The following LOXL4 variants were observed in gnomAD, a reference collection of about 807,000 sequenced individuals.
LOXL4 encodes lysyl oxidase like 4, also known as lysyl oxidase homolog 4.
In LOXL4, 72 loss-of-function variants were observed where a neutral mutation model predicts 89.1. The ratio of observed to expected loss-of-function variants is 0.81; its 90% CI spans 0.67 to 0.98. LOXL4 has a LOEUF of 0.98. LOXL4 is among the 50% of genes least tolerant of loss of function. The probability of loss-of-function intolerance (pLI) is 0.00; values close to 1 mark genes in which losing one functional copy is unlikely to be tolerated. For missense variants in LOXL4, 984 were observed against 1,017.5 expected (o/e 0.97, Z 0.45); for synonymous variants, 355 against 392.1 (o/e 0.91, Z 1.12).
rs1858396463 is a variant in LOXL4 at position 98,257,031 on chromosome 10, C to A, written c.1261-84G>T. Reference sequence around the variant, plus strand: ...TGCGAGCCTGGAGGTCTGCCCAAGCCAGCTCACTGTGTCACCCTAGACAAG... The same window carrying A: ...TGCGAGCCTGGAGGTCTGCCCAAGCAAGCTCACTGTGTCACCCTAGACAAG... On this transcript the variant is annotated intron_variant, in intron 8 of 14. Transcript: ENST00000260702. 2.0e-6 allele frequency: 3 copies of A among 1,483,826 alleles called. No individual in the cohort carries two copies. In the South Asian group the frequency reaches 3.9e-5, roughly 19 times the overall value. The allele number at this position is 1,483,826 out of a possible 1,614,324, so 91.9% of individuals were successfully genotyped here.
rs1858596313 is a variant in LOXL4 at position 98,263,144 on chromosome 10, A to G, written c.-32-93T>C. 9.2e-6 allele frequency: 9 copies of G among 978,016 alleles called. No homozygotes were observed. In the South Asian group the frequency reaches 1.4e-4, roughly 15 times the overall value. 60.6% of individuals were successfully genotyped at this position (978,016 alleles called of 1,614,324 possible). A position where few individuals can be genotyped will look rare whatever the true frequency, so the allele number is the denominator to read the frequency against. ...GGCAGCTCCTGGCAAGACAAAGGAA[A>G]GAAAACCCCCCTCAAATGTGTGTGT... is the stretch of plus-strand genomic sequence containing the variant. On this transcript the variant is annotated intron_variant, in intron 1 of 14. Transcript: ENST00000260702.
intron 8 of LOXL4, among the ~76,000 whole-genome samples, 190 bp downstream of exon 8, chr10:98,257,460 G>C (rs953836153): frequency 7.2e-5 from 11 of 152,152 alleles, no homozygotes; most frequent in Non-Finnish European, 1.0e-4. Context: ...CATCTGCAGA[G>C]CCCCTGTGGC....
rs773171846 is a variant in LOXL4, at chr10:98,260,990, G to T, written c.594C>A (p.Asn198Lys). 18 of 1,613,882 alleles carry T rather than the reference G, an allele frequency of 1.1e-5. No individual in the cohort carries two copies. Among genetic ancestry groups the T allele is most frequent in the Admixed American group, 5.0e-5 (3 of 60,002 alleles). ...GCATCCCGCACACCACCCTGCTGTT[G>T]TTCATGGTCCAGCCCTGGTCACACA... ...RQVCDQGWTM[N>K]NSRVVCGMLG... The change falls in exon 4 of 15, where the codon AAC becomes AAA. Residue 198 changes from asparagine to lysine, a missense_variant. Transcript: ENST00000260702.
chr10:98,257,733 G>C lies in LOXL4; in HGVS notation c.1177C>G (p.Leu393Val). The C allele has an allele frequency of 6.2e-7, 1 of 1,614,110 alleles. No homozygotes were observed. The highest frequency in any genetic ancestry group is 8.5e-7 in the Non-Finnish European group (1 of 1,179,990). ...TGGCAACCATTCTGGGACCCTTCCA[G>C]GGCAGGGCAGTCGCTGAGGGTCCGC... is the stretch of plus-strand genomic sequence containing the variant. ...YERTLSDCPALEGSQNGCQHE... is the reference protein window; with the variant it reads ...YERTLSDCPAVEGSQNGCQHE... The change falls in exon 8 of 15, where the codon CTG becomes GTG. Residue 393 changes from leucine to valine, a missense_variant. Transcript: ENST00000260702.
chr10:98,254,260 C>T (rs1858293516), intron 10 of LOXL4, among the ~76,000 whole-genome samples: 2 of 152,192 alleles, frequency 1.3e-5, no homozygotes, highest in African/African-American at 4.8e-5. Flanking sequence ...TAGCTTAGTT[C>T]ATATAATCCT....
At chr10:98,260,687 C>T (rs1564760879) in intron 4 of LOXL4, among the ~76,000 whole-genome samples, 2 of 152,146 alleles carry the variant, frequency 1.3e-5, no homozygotes, top group Non-Finnish European at 2.9e-5. Context: ...CCAACACCTG[C>T]TGGATGTCCT....
At chr10:98,261,592 A>C (rs886071270) in intron 3 of LOXL4, among the ~76,000 whole-genome samples, 1 of 152,222 alleles carries the variant, frequency 6.6e-6, no homozygotes, top group African/African-American at 2.4e-5. Flanking sequence ...CAGAGTCCCC[A>C]TCACAACACG....
rs563390291 is a variant in LOXL4 at position 98,265,644 on chromosome 10, C to T, written c.-33+2488G>A. ...AACTCCTGACCTCAGGTGATCCACC[C>T]GCCTTGGCCTCCCAAAGTGACGGGA... On this transcript the variant is annotated intron_variant, in intron 1 of 14. Coordinates refer to ENST00000260702, the MANE Select transcript of LOXL4 (RefSeq NM_032211.7). Among the ~76,000 whole-genome samples the T allele has an allele frequency of 4.2e-5, 3 of 71,936 alleles. 1 individual carries two copies. The highest frequency in any genetic ancestry group is 1.1e-4 in the Admixed American group (1 of 8,794). 47.2% of individuals were successfully genotyped at this position (71,936 alleles called of 152,430 possible).
intron 2 of LOXL4, 92 bp downstream of exon 2, chr10:98,262,651 G>T: frequency 6.9e-7 from 1 of 1,459,160 alleles, no homozygotes; most frequent in South Asian, 1.3e-5. Context: ...ACATGAGCAG[G>T]GTATTAAAGG....
At position 98,262,155 on chromosome 10, in the gene LOXL4, G is replaced by T. The variant is rs776968307; in HGVS notation, c.336C>A (p.Cys112Ter). 1 of 1,613,526 alleles carries T rather than the reference G, an allele frequency of 6.2e-7. No homozygotes were observed. Among genetic ancestry groups the T allele is most frequent in the African/African-American group, 1.3e-5 (1 of 74,906 alleles). ...CVGTESSLDQ[C>*]GSNGWGVSDC... ...CACTGACTCCCCAGCCATTAGACCC[G>T]CACTGGTCCAAGGAGCTCTCTGTGC... Residue 112 changes from cysteine to a stop codon, truncating the protein, a stop_gained, in exon 3 of 15, where the codon TGC becomes TGA. Coordinates refer to ENST00000260702, the MANE Select transcript of LOXL4 (RefSeq NM_032211.7). LOFTEE classifies it high-confidence loss of function.
intron 1 of LOXL4, among the ~76,000 whole-genome samples, chr10:98,265,006 C>T (rs1252079266): frequency 6.6e-6 from 1 of 152,212 alleles, no homozygotes; most frequent in Non-Finnish European, 1.5e-5. Context: ...GAGTGGGCTC[C>T]TAAAAGTGCA....
intron 14 of LOXL4, among the ~76,000 whole-genome samples, chr10:98,250,149 C>T (rs1239426996): frequency 6.6e-6 from 1 of 152,184 alleles, no homozygotes; most frequent in African/African-American, 2.4e-5. Context: ...GGACTGGATT[C>T]GGGTGACGCC....
Position 98,252,374 on chromosome 10 carries a change from C to G in LOXL4, c.1930G>C (p.Glu644Gln), listed in dbSNP as rs755640664. Residue 644 changes from glutamate (E) to glutamine (Q), a missense_variant, in exon 12 of 15, where the codon GAG (glutamate) becomes CAG (glutamine). Coordinates refer to ENST00000260702, the MANE Select transcript of LOXL4 (RefSeq NM_032211.7). ...AEGHKASFCL[E>Q]DTNCPTGLQR... ...ATACCTGTGGGGCAGTTTGTGTCCTCCAGACAGAAGCTGGCCTTGTGCCCC... is the reference window on the plus strand; with the variant it reads ...ATACCTGTGGGGCAGTTTGTGTCCTGCAGACAGAAGCTGGCCTTGTGCCCC... The G allele has an allele frequency of 6.2e-7, 1 of 1,613,972 alleles. No individual in the cohort carries two copies. Among genetic ancestry groups the G allele is most frequent in the South Asian group, 1.1e-5 (1 of 91,066 alleles).
intron 11 of LOXL4, 59 bp from the exon 12 acceptor site, chr10:98,252,527 G>C: frequency 8.2e-7 from 1 of 1,218,000 alleles, no homozygotes; most frequent in Non-Finnish European, 1.2e-6. Context: ...TCTCTGGAGG[G>C]GCTGGTAGGG....
rs762922780 is a variant in LOXL4, at chr10:98,255,616, C to G, written c.1552G>C (p.Gly518Arg). The change falls in exon 10 of 15, where the codon GGT becomes CGT. Residue 518 changes from glycine to arginine, a missense_variant. Transcript: ENST00000260702. ...ACTCCAGCCAGGAAGCGCCCGCCAC[C>G]GTGGGAGCAGTGCACCGGCCCGTGC... ...QRHGPVHCSH[G>R]GGRFLAGVSC... The G allele has an allele frequency of 5.0e-6, 8 of 1,612,240 alleles. No homozygotes were observed. In the South Asian group the frequency reaches 7.7e-5, roughly 15 times the overall value.
At chr10:98,261,636 G>T (rs114545064) in intron 3 of LOXL4, among the ~76,000 whole-genome samples, 4,683 of 152,334 alleles carry the variant, frequency 0.031, 219 homozygotes, top group African/African-American at 0.1. Context: ...CTGTCCTGAG[G>T]CTGGAGGCTG....
intron 10 of LOXL4, among the ~76,000 whole-genome samples, chr10:98,255,154 T>C (rs1465741990): frequency 6.6e-6 from 1 of 152,186 alleles, no homozygotes. Context: ...CCGGGTGTGC[T>C]CATATTTGTA....
At chr10:98,265,604 C>T (rs7080971) in intron 1 of LOXL4, among the ~76,000 whole-genome samples, 29,139 of 95,832 alleles carry the variant, frequency 0.3, 8,868 homozygotes, top group Non-Finnish European at 0.42. Context: ...CAGGGTTTCA[C>T]CACATCAGTT....
rs554846550 is a variant in LOXL4, at chr10:98,249,751, C to A, written c.2201-760G>T. Among the ~76,000 whole-genome samples the A allele has an allele frequency of 1.2e-4, 19 of 152,298 alleles. 1 individual carries two copies. The South Asian group carries it at 3.3e-3, about 27-fold the overall frequency. Reference sequence around the variant, plus strand: ...GCCTGGGAACCCTTGCAGCCTGATTCTAGCATTATGGAGGATCTGCTGTCT... The same window carrying A: ...GCCTGGGAACCCTTGCAGCCTGATTATAGCATTATGGAGGATCTGCTGTCT... On this transcript the variant is annotated intron_variant, in intron 14 of 14. Coordinates refer to ENST00000260702, the MANE Select transcript of LOXL4 (RefSeq NM_032211.7).
Sources: allele counts gnomAD v4.1 joint callset (sites outside exome capture counted in the v4.1 genomes callset), GRCh38; gene constraint gnomAD v4.1.1; transcripts MANE v1.5; gene names NCBI Gene and HGNC (gene_info 2026-07-23, HGNC 2026-07-21).